CDH13: variants seen among roughly 807,000 people sequenced by gnomAD.
CDH13 encodes the protein cadherin 13.
In CDH13, 24 loss-of-function variants were observed where a neutral mutation model predicts 63.8. The ratio of observed to expected loss-of-function variants is 0.38; its 90% confidence interval spans 0.27 to 0.53. CDH13 has a LOEUF of 0.53. Ranked by LOEUF, CDH13 falls within the 20% of genes least tolerant of loss-of-function variation. The pLI is 0.85. For synonymous variants in CDH13, 503 were observed against 355.3 expected, an observed-to-expected ratio of 1.42 and a Z score of -4.67; for missense variants, 1,049 against 903.1, an observed-to-expected ratio of 1.16 and a Z score of -2.07.
chr16:83,015,392 T>C (rs1384843958), intron 2 of CDH13, among the ~76,000 whole-genome samples: 2 of 151,812 alleles, frequency 1.3e-5, no homozygotes, highest in Non-Finnish European at 2.9e-5. Context: ...TCCTTGGTTA[T>C]TTTGAAAACC....
chr16:83,402,316 A>G (rs1313676925), intron 6 of CDH13, among the ~76,000 whole-genome samples: 1 of 152,080 alleles, frequency 6.6e-6, no homozygotes, highest in Non-Finnish European at 1.5e-5. Flanking sequence ...CATCCTCACC[A>G]ATTATTGGCA....
chr16:83,579,900 T>C lies in CDH13; in HGVS notation c.961-22554T>C, dbSNP rs115364681. Reference sequence around the variant, plus strand: ...GCAGGCTTCACAGGGGAGTAACATTTGAGCTGACACTTAAACTATGAGCAT... The same window carrying C: ...GCAGGCTTCACAGGGGAGTAACATTCGAGCTGACACTTAAACTATGAGCAT... On this transcript the variant is annotated intron_variant, in intron 7 of 13. Transcript: ENST00000567109. 2.3e-3 allele frequency among the ~76,000 whole-genome samples: 345 copies of C among 152,156 alleles called. 2 individuals carry two copies. The highest frequency in any genetic ancestry group is 7.8e-3 in the African/African-American group (322 of 41,506).
At chr16:83,067,020 G>A (rs184146293) in intron 3 of CDH13, among the ~76,000 whole-genome samples, 13 of 152,282 alleles carry the variant, frequency 8.5e-5, no homozygotes, top group African/African-American at 2.6e-4. Context: ...CCTCCAGGAG[G>A]CATCTTATTT....
chr16:83,197,759 TAC>T (rs147666204), intron 4 of CDH13, among the ~76,000 whole-genome samples: 1,619 of 151,040 alleles, frequency 0.011, 27 homozygotes, highest in African/African-American at 0.037. Flanking sequence ...AAAAACTAAA[TAC>T]ACACACACAC....
intron 6 of CDH13, among the ~76,000 whole-genome samples, chr16:83,446,652 C>G (rs1005093519): frequency 6.6e-5 from 10 of 152,254 alleles, no homozygotes; most frequent in African/African-American, 7.2e-5. Flanking sequence ...TGGTGGTAAT[C>G]AAAGGAACGA....
chr16:83,319,835 A>G (rs773423979), intron 5 of CDH13, among the ~76,000 whole-genome samples: 3 of 152,204 alleles, frequency 2.0e-5, no homozygotes, highest in Non-Finnish European at 4.4e-5. Context: ...GCTAAATTTC[A>G]GGGGATAAGT....
intron 3 of CDH13, among the ~76,000 whole-genome samples, chr16:83,098,974 G>A (rs982407318): frequency 1.3e-5 from 2 of 152,068 alleles, no homozygotes; most frequent in African/African-American, 4.8e-5. Context: ...ATGACAGAAT[G>A]CACTTTAAAA....
chr16:83,349,758 G>A (rs1436856661), intron 6 of CDH13, among the ~76,000 whole-genome samples: 8 of 151,916 alleles, frequency 5.3e-5, no homozygotes, highest in African/African-American at 1.9e-4. Context: ...CTGCCACCAC[G>A]CCCAGCTAAT....
At chr16:83,657,276 C>A (rs977368596) in intron 8 of CDH13, among the ~76,000 whole-genome samples, 1 of 152,148 alleles carries the variant, frequency 6.6e-6, no homozygotes, top group Non-Finnish European at 1.5e-5. Context: ...GTTCCTGAGC[C>A]AAGTGTCCTG....
At chr16:83,491,328 G>C (rs1035232680) in intron 7 of CDH13, among the ~76,000 whole-genome samples, 1 of 152,152 alleles carries the variant, frequency 6.6e-6, no homozygotes, top group Non-Finnish European at 1.5e-5. Context: ...TTCATTTGGG[G>C]CACTTTTTTA....
chr16:82,834,867 T>A (rs987462450), intron 1 of CDH13, among the ~76,000 whole-genome samples: 1 of 152,238 alleles, frequency 6.6e-6, no homozygotes, highest in African/African-American at 2.4e-5. Flanking sequence ...TTTTAAGTGG[T>A]TGCATCTTAA....
chr16:82,683,341 G>C (rs150249555), intron 1 of CDH13, among the ~76,000 whole-genome samples: 1 of 152,174 alleles, frequency 6.6e-6, no homozygotes, highest in African/African-American at 2.4e-5. Flanking sequence ...TCTGGTTCCA[G>C]ATGCTAGCCT....
intron 10 of CDH13, among the ~76,000 whole-genome samples, chr16:83,744,340 G>A (rs865797461): frequency 6.6e-6 from 1 of 152,182 alleles, no homozygotes. Flanking sequence ...GTATGAGTGG[G>A]GTCTTGAAAC....
intron 5 of CDH13, among the ~76,000 whole-genome samples, chr16:83,260,738 C>G (rs1301772044): frequency 6.6e-6 from 1 of 152,172 alleles, no homozygotes; most frequent in Non-Finnish European, 1.5e-5. Flanking sequence ...CCTCCTTTCT[C>G]CTTCAAGGGC....
intron 1 of CDH13, among the ~76,000 whole-genome samples, chr16:82,647,671 G>A (rs1597212342): frequency 6.6e-6 from 1 of 152,308 alleles, no homozygotes; most frequent in East Asian, 1.9e-4. Flanking sequence ...CTGATTTTGA[G>A]ACTACTGGAC....
rs375795838 is a variant in CDH13, at chr16:83,036,350, G to A, written c.366+4132G>A. Among the ~76,000 whole-genome samples the A allele has an allele frequency of 5.3e-5, 8 of 151,870 alleles. No homozygotes were observed. In the East Asian group the frequency reaches 1.2e-3, roughly 22 times the overall value. On this transcript the variant is annotated intron_variant, in intron 3 of 13. Transcript: ENST00000567109. ...TCTTTAGTAGAGATGGGATTTCACC[G>A]TGTTGGCCAGGCTGGTGTTGAATTC...
chr16:82,796,062 T>C (rs2036568212), intron 1 of CDH13, among the ~76,000 whole-genome samples: 1 of 152,130 alleles, frequency 6.6e-6, no homozygotes, highest in African/African-American at 2.4e-5. Context: ...CTTGCCCTAT[T>C]GGCACTTACT....
chr16:83,475,044 C>G (rs2073565676), intron 6 of CDH13, among the ~76,000 whole-genome samples: 1 of 152,370 alleles, frequency 6.6e-6, no homozygotes. Context: ...CGCCATCTGG[C>G]TCCTGGCTCT....
chr16:83,537,495 G>A (rs1364481347), intron 7 of CDH13, among the ~76,000 whole-genome samples: 1 of 152,080 alleles, frequency 6.6e-6, no homozygotes, highest in Non-Finnish European at 1.5e-5. Context: ...TTAATTCTTG[G>A]GGATTGGAAT....
Sources: allele counts gnomAD v4.1 joint callset (sites outside exome capture counted in the v4.1 genomes callset), GRCh38; gene constraint gnomAD v4.1.1; transcripts MANE v1.5; gene names NCBI Gene and HGNC (gene_info 2026-07-23, HGNC 2026-07-21).